The following ZNF536 variants were observed in gnomAD, a reference collection of about 807,000 sequenced individuals.
ZNF536 encodes the protein zinc finger protein 536.
In ZNF536, 13 loss-of-function variants were observed where a neutral mutation model predicts 84.5. The ratio of observed to expected loss-of-function variants is 0.15; its 90% CI spans 0.10 to 0.24. The LOEUF is 0.24. Among genes scored for constraint, ZNF536 ranks in the 10% least tolerant of loss-of-function variants. The probability of loss-of-function intolerance (pLI) is 1.00; values close to 1 mark genes in which losing one functional copy is unlikely to be tolerated. For missense variants in ZNF536, 1,536 were observed against 1,747.5 expected (o/e 0.88, Z 2.16); for synonymous variants, 811 against 742.5 (o/e 1.09, Z -1.50).
intron 1 of ZNF536, among the ~76,000 whole-genome samples, chr19:30,384,034 G>A (rs2049190276): frequency 1.6e-5 from 2 of 128,678 alleles, no homozygotes; most frequent in Admixed American, 1.7e-4. Context: ...GCATGCCTGT[G>A]GCCCCACGGT....
chr19:30,649,490 A>AT (rs1347114252), intron 1 of ZNF536, among the ~76,000 whole-genome samples: 2 of 147,992 alleles, frequency 1.4e-5, no homozygotes, highest in African/African-American at 2.5e-5. Flanking sequence ...AATATTAACC[A>AT]TTTTTTCCCC....
intron 1 of ZNF536, among the ~76,000 whole-genome samples, chr19:30,593,753 T>C (rs1354751347): frequency 6.6e-6 from 1 of 152,144 alleles, no homozygotes; most frequent in African/African-American, 2.4e-5. Context: ...GGGCTGGTCA[T>C]TCACCCAACT....
chr19:30,580,319 T>C (rs1400366263), intron 1 of ZNF536, among the ~76,000 whole-genome samples: 1 of 152,194 alleles, frequency 6.6e-6, no homozygotes, highest in East Asian at 1.9e-4. Context: ...AAGAGACCTA[T>C]GGTCTTGCAG....
At chr19:30,590,452 G>T (rs1453980949) in intron 1 of ZNF536, among the ~76,000 whole-genome samples, 8 of 152,330 alleles carry the variant, frequency 5.3e-5, no homozygotes, top group South Asian at 4.1e-4. Context: ...TTTCAGCAAG[G>T]CTTTCTTGGC....
At chr19:30,702,993 A>G (rs1174873481) in intron 1 of ZNF536, among the ~76,000 whole-genome samples, 2 of 152,208 alleles carry the variant, frequency 1.3e-5, no homozygotes, top group African/African-American at 4.8e-5. Flanking sequence ...AGCTTCTGCT[A>G]GCAGCCAGAC....
intron 1 of ZNF536, among the ~76,000 whole-genome samples, chr19:30,606,170 TAAATA>T (rs11454529): frequency 1.5e-4 from 15 of 101,636 alleles, no homozygotes; most frequent in East Asian, 2.9e-4. Flanking sequence ...TAAAATAAAA[TAAATA>T]AAATAAAATA....
Position 30,402,667 on chromosome 19 carries a change from T to A in ZNF536, c.-3+30111T>A, listed in dbSNP as rs955560392. ...AAAAGCTTGCAAACCGCGGCCGACG[T>A]GGGTTTAAAGATGCAATTCTCAAAC... On this transcript the variant is annotated intron_variant, in intron 1 of 4. Transcript: ENST00000355537. Among the ~76,000 whole-genome samples, 9 of 151,746 alleles carry A rather than the reference T, an allele frequency of 5.9e-5. No individual in the cohort carries two copies. In the East Asian group the frequency reaches 1.7e-3, roughly 29 times the overall value.
intron 1 of ZNF536, among the ~76,000 whole-genome samples, chr19:30,683,990 G>T (rs1350458785): frequency 6.6e-6 from 1 of 151,972 alleles, no homozygotes; most frequent in South Asian, 2.1e-4. Context: ...GCTTGTAACC[G>T]ATCACTCATA....
At chr19:30,700,092 T>A (rs1241966051) in intron 1 of ZNF536, among the ~76,000 whole-genome samples, 2 of 150,772 alleles carry the variant, frequency 1.3e-5, no homozygotes, top group Non-Finnish European at 3.0e-5. Context: ...TCTTTCTTTC[T>A]CTTTCCTTCC....
intron 1 of ZNF536, among the ~76,000 whole-genome samples, chr19:30,601,454 C>T (rs113990903): frequency 0.022 from 3,341 of 152,204 alleles, 118 homozygotes; most frequent in Admixed American, 0.091. Flanking sequence ...GATGGGGGAG[C>T]CTGTCTGAGG....
intron 2 of ZNF536, among the ~76,000 whole-genome samples, chr19:30,299,743 G>T (rs1446952625): frequency 6.6e-6 from 1 of 152,140 alleles, no homozygotes; most frequent in Non-Finnish European, 1.5e-5. Flanking sequence ...TTTTATGAGT[G>T]AGTTATGAAG....
At chr19:30,617,592 T>C (rs1025607446) in intron 1 of ZNF536, among the ~76,000 whole-genome samples, 3 of 151,742 alleles carry the variant, frequency 2.0e-5, no homozygotes, top group Non-Finnish European at 2.9e-5. Context: ...CCTCGTGATC[T>C]GCCCACTGTG....
chr19:30,571,265 G>A lies in ZNF536; in HGVS notation c.169+21751G>A, dbSNP rs555399792. Among the ~76,000 whole-genome samples, 4 of 152,306 alleles carry A rather than the reference G, an allele frequency of 2.6e-5. 1 individual carries two copies. The South Asian group carries it at 8.3e-4, about 32-fold the overall frequency. On this transcript the variant is annotated intron_variant, in intron 1 of 1. Transcript: ENST00000592773. ...AGTTCAAGCTGTGTCCCCAGTAGAGGTGAGGCCATTCTACTGGGGGTCTTT... is the reference window on the plus strand; with the variant it reads ...AGTTCAAGCTGTGTCCCCAGTAGAGATGAGGCCATTCTACTGGGGGTCTTT...
rs188708344 is a variant in ZNF536 at position 30,404,092 on chromosome 19, C to T, written c.-3+31536C>T. On this transcript the variant is annotated intron_variant, in intron 1 of 4. Coordinates refer to ENST00000355537, the MANE Select transcript of ZNF536 (RefSeq NM_014717.3). The stretch of plus-strand genomic sequence containing the variant: ...ACGGTGCACTATTTGTTCCATCCCA[C>T]GTTTCTTATTGCTAGTCTTGCAAGG... Among the ~76,000 whole-genome samples, 8 of 145,462 alleles carry T rather than the reference C, an allele frequency of 5.5e-5. No homozygotes were observed. The East Asian group carries it at 1.0e-3, about 19-fold the overall frequency.
intron 1 of ZNF536, among the ~76,000 whole-genome samples, chr19:30,692,497 A>G (rs2051452835): frequency 6.6e-6 from 1 of 152,208 alleles, no homozygotes; most frequent in African/African-American, 2.4e-5. Context: ...GTAGAAGGCA[A>G]GTCATGTGGT....
intron 1 of ZNF536, among the ~76,000 whole-genome samples, chr19:30,603,846 T>C (rs1157249978): frequency 2.0e-5 from 3 of 152,052 alleles, no homozygotes; most frequent in Admixed American, 1.3e-4. Context: ...TCCCAGCACT[T>C]TGGGAGGCCT....
chr19:30,541,345 A>G (rs1361971508), intron 3 of ZNF536, among the ~76,000 whole-genome samples: 1 of 152,110 alleles, frequency 6.6e-6, no homozygotes, highest in Admixed American at 6.5e-5. Context: ...TTTTCCAAAA[A>G]GAGAGCATGC....
At chr19:30,478,871 A>G (rs1379210098) in intron 2 of ZNF536, among the ~76,000 whole-genome samples, 2 of 152,154 alleles carry the variant, frequency 1.3e-5, no homozygotes, top group African/African-American at 4.8e-5. Flanking sequence ...GGGTTGACCA[A>G]CGATGCATCA....
chr19:30,297,668 C>T (rs933608148), intron 2 of ZNF536, among the ~76,000 whole-genome samples: 4 of 152,222 alleles, frequency 2.6e-5, no homozygotes, highest in South Asian at 4.2e-4. Flanking sequence ...AAATGATGGC[C>T]GCTCGAGTAA....
Sources: gnomAD v4.1 joint callset for allele counts (sites outside exome capture counted in the v4.1 genomes callset) on GRCh38, gnomAD v4.1.1 for gene constraint, MANE v1.5 for transcripts, NCBI Gene and HGNC (gene_info 2026-07-23, HGNC 2026-07-21) for gene names.